The following FOXN3 variants were observed in gnomAD, a reference collection of about 807,000 sequenced individuals.
FOXN3 encodes forkhead box N3.
In FOXN3, 7 loss-of-function variants were observed where a neutral mutation model predicts 38.4. That is an observed-to-expected ratio of 0.18 (90% CI 0.10 to 0.34). The LOEUF is 0.34. Among genes scored for constraint, FOXN3 ranks in the 10% least tolerant of loss-of-function variants. FOXN3 has a pLI of 1.00. For missense variants in FOXN3, 456 were observed against 613.4 expected, an observed-to-expected ratio of 0.74 and a Z score of 2.71; for synonymous variants, 230 against 242.2, an observed-to-expected ratio of 0.95 and a Z score of 0.47.
chr14:89,216,945 T>C (rs994687302), intron 4 of FOXN3, among the ~76,000 whole-genome samples: 2 of 152,170 alleles, frequency 1.3e-5, no homozygotes, highest in Non-Finnish European at 2.9e-5. Flanking sequence ...AGTGTGGAAA[T>C]GGCATCTTCT....
chr14:89,161,596 T>TGTGTGTGTGCGCGC lies in FOXN3; in HGVS notation c.*817_*818insGCGCGCACACACAC, dbSNP rs61390956. 1.5e-5 allele frequency: 2 copies of TGTGTGTGTGCGCGC among 136,624 alleles called. No individual in the cohort carries two copies. Among genetic ancestry groups the TGTGTGTGTGCGCGC allele is most frequent in the African/African-American group, 5.5e-5 (2 of 36,686 alleles). The allele number at this position is 136,624 out of a possible 1,614,324, so 8.5% of individuals were successfully genotyped here. A position where few individuals can be genotyped will look rare whatever the true frequency, so the allele number is the denominator to read the frequency against. On this transcript the variant is annotated 3_prime_UTR_variant, in exon 6 of 6. Transcript: ENST00000557258. ...GTGTGTGTGTGTGTGTGTGTGTGTG[T>TGTGTGTGTGCGCGC]GCGTGCGTGCACAGGGCCAATCTTC...
At chr14:89,537,134 A>G (rs1473959542) in intron 1 of FOXN3, among the ~76,000 whole-genome samples, 1 of 152,204 alleles carries the variant, frequency 6.6e-6, no homozygotes, top group Non-Finnish European at 1.5e-5. Flanking sequence ...TATGTGTCTG[A>G]ATCCACATCC....
intron 3 of FOXN3, among the ~76,000 whole-genome samples, chr14:89,343,773 T>C (rs943682318): frequency 6.6e-6 from 1 of 151,364 alleles, no homozygotes; most frequent in African/African-American, 2.4e-5. Flanking sequence ...TTGGTTGGTT[T>C]GTTTGTTTTG....
At chr14:89,544,442 C>T (rs1268602342) in intron 1 of FOXN3, among the ~76,000 whole-genome samples, 4 of 152,004 alleles carry the variant, frequency 2.6e-5, no homozygotes, top group Non-Finnish European at 5.9e-5. Flanking sequence ...AGAATTTAGC[C>T]ACAATTATTT....
intron 3 of FOXN3, among the ~76,000 whole-genome samples, chr14:89,345,177 C>G (rs1888726484): frequency 6.6e-6 from 1 of 152,152 alleles, no homozygotes; most frequent in African/African-American, 2.4e-5. Flanking sequence ...AAAGAGACCC[C>G]TCGTGTGGCT....
At chr14:89,496,686 G>T (rs1233815214) in intron 1 of FOXN3, among the ~76,000 whole-genome samples, 1 of 152,172 alleles carries the variant, frequency 6.6e-6, no homozygotes, top group Admixed American at 6.5e-5. Flanking sequence ...ACTTTTAAGT[G>T]TATAGTTCAG....
chr14:89,409,593 C>T (rs1891486323), intron 2 of FOXN3: 2 of 152,236 alleles, frequency 1.3e-5, no homozygotes, highest in African/African-American at 4.8e-5. Context: ...TCGTTTTACA[C>T]CAAACTAAAC....
At chr14:89,323,641 C>T (rs1007586830) in intron 3 of FOXN3, among the ~76,000 whole-genome samples, 2 of 152,074 alleles carry the variant, frequency 1.3e-5, no homozygotes, top group African/African-American at 4.8e-5. Context: ...ATTGCTTGAA[C>T]CCAGGAGGCA....
At chr14:89,303,104 C>T (rs1242654412) in intron 3 of FOXN3, among the ~76,000 whole-genome samples, 2 of 152,196 alleles carry the variant, frequency 1.3e-5, no homozygotes, top group Admixed American at 1.3e-4. Flanking sequence ...ATTGGCTCCA[C>T]TTGCTCCAGC....
At chr14:89,236,237 C>T (rs1029877769) in intron 4 of FOXN3, among the ~76,000 whole-genome samples, 6 of 152,138 alleles carry the variant, frequency 3.9e-5, no homozygotes, top group Admixed American at 6.5e-5. Flanking sequence ...GCATGCAGGC[C>T]GGGCACGGTG....
intron 3 of FOXN3, among the ~76,000 whole-genome samples, chr14:89,298,607 A>G (rs1444638560): frequency 6.6e-6 from 1 of 152,198 alleles, no homozygotes; most frequent in Non-Finnish European, 1.5e-5. Flanking sequence ...GACAGTACAT[A>G]AGGCAGGTGA....
chr14:89,416,572 G>A (rs978217228), intron 1 of FOXN3, among the ~76,000 whole-genome samples: 22 of 152,112 alleles, frequency 1.4e-4, no homozygotes, highest in African/African-American at 5.1e-4. Flanking sequence ...TCCCCGGCCC[G>A]GAACGGCGGG....
intron 1 of FOXN3, among the ~76,000 whole-genome samples, chr14:89,533,986 C>T (rs1894630469): frequency 6.6e-6 from 1 of 151,954 alleles, no homozygotes; most frequent in Non-Finnish European, 1.5e-5. Flanking sequence ...CCCCAAGAAG[C>T]CTTGGTAAGT....
chr14:89,442,581 G>A (rs1415140425), intron 1 of FOXN3, among the ~76,000 whole-genome samples: 1 of 152,204 alleles, frequency 6.6e-6, no homozygotes, highest in African/African-American at 2.4e-5. Context: ...CCAAGTGAGA[G>A]ACTGATGGAT....
intron 3 of FOXN3, chr14:89,291,229 T>C: frequency 2.3e-6 from 1 of 433,146 alleles, no homozygotes. Flanking sequence ...TGACTAAACA[T>C]GTTACTCCCT....
In FOXN3 at chr14:89,392,309, C is replaced by A. The variant is rs1218138223; in HGVS notation, c.543+19625G>T. ...TAAGTACCTTCCATTAGGTTTTATT[C>A]CTGAAGTCTCTCAGTGTAGGCAGAA... On this transcript the variant is annotated intron_variant, in intron 2 of 5. Transcript: ENST00000557258. Among the ~76,000 whole-genome samples, 4 of 152,200 alleles carry A rather than the reference C, an allele frequency of 2.6e-5. No individual in the cohort carries two copies. In the East Asian group the frequency reaches 7.7e-4, roughly 29 times the overall value.
At chr14:89,237,504 A>G (rs1446263009) in intron 4 of FOXN3, among the ~76,000 whole-genome samples, 1 of 148,232 alleles carries the variant, frequency 6.7e-6, no homozygotes, top group Non-Finnish European at 1.5e-5. Context: ...CGTAAATGAT[A>G]GAAATGTTCT....
chr14:89,207,253 A>G (rs945971430), intron 4 of FOXN3, among the ~76,000 whole-genome samples: 1 of 152,008 alleles, frequency 6.6e-6, no homozygotes, highest in African/African-American at 2.4e-5. Flanking sequence ...ACAAAACAAA[A>G]CAACACAACT....
intron 4 of FOXN3, among the ~76,000 whole-genome samples, chr14:89,254,686 G>A (rs146297042): frequency 3.9e-4 from 60 of 152,168 alleles, no homozygotes; most frequent in African/African-American, 1.4e-3. Context: ...CTCTGCTCCC[G>A]GGGCCATCAA....
Sources: allele counts gnomAD v4.1 joint callset (sites outside exome capture counted in the v4.1 genomes callset), GRCh38; gene constraint gnomAD v4.1.1; transcripts MANE v1.5; gene names NCBI Gene and HGNC (gene_info 2026-07-23, HGNC 2026-07-21).